Variants in PARD3B observed in about 807,000 individuals in gnomAD.
The protein encoded by PARD3B is partitioning defective 3 homolog B.
A neutral mutation model predicts 130.2 loss-of-function variants in PARD3B; 103 were observed. That is an observed-to-expected ratio of 0.79 (90% CI 0.67 to 0.93). The LOEUF is 0.93. Ranked by LOEUF, PARD3B falls within the 40% of genes least tolerant of loss-of-function variation. PARD3B has a pLI of 0.00. For missense variants in PARD3B, 1,609 were observed against 1,499.2 expected (o/e 1.07, Z -1.21); for synonymous variants, 583 against 553.2 (o/e 1.05, Z -0.76).
intron 20 of PARD3B, among the ~76,000 whole-genome samples, chr2:205,469,061 G>T (rs2048734669): frequency 6.6e-6 from 1 of 151,340 alleles, no homozygotes; most frequent in Non-Finnish European, 1.5e-5. Context: ...TTTCTGTGTA[G>T]ACTTCTAGCA....
intron 18 of PARD3B, among the ~76,000 whole-genome samples, chr2:205,319,609 A>G (rs935161087): frequency 2.6e-5 from 4 of 152,010 alleles, no homozygotes; most frequent in East Asian, 1.9e-4. Context: ...TTTCCTCGCC[A>G]TTTTTCATCC....
chr2:205,105,103 C>T lies in PARD3B; in HGVS notation c.593+589C>T, dbSNP rs555263942. ...CTCTAGGTAGTGCCTGGGTTCATAT[C>T]GCAGCTATGCCTCTTTACTAGTCCT... On this transcript the variant is annotated intron_variant, in intron 5 of 22. Transcript: ENST00000406610. The surrounding 1 kb of genome is among the most constrained non-coding windows in gnomAD (Gnocchi z 4.0). Among the ~76,000 whole-genome samples the T allele has an allele frequency of 5.9e-5, 9 of 152,246 alleles. No individual in the cohort carries two copies. The highest frequency in any genetic ancestry group is 4.1e-4 in the South Asian group (2 of 4,826).
intron 1 of PARD3B, among the ~76,000 whole-genome samples, chr2:204,591,588 A>C (rs937971498): frequency 3.3e-5 from 5 of 152,236 alleles, no homozygotes; most frequent in Non-Finnish European, 4.4e-5. Flanking sequence ...GGAAATTAGA[A>C]CAATAGCTGC....
In PARD3B at chr2:205,193,252, T is replaced by G; in HGVS notation, c.2072T>G (p.Phe691Cys). ...AVYFPDQHIN[F>C]RSVTPARQPE... ...TATTTTCCAGATCAGCACATCAACT[T>G]CAGATCTGTGACACCGGCCAGGCAG... Residue 691 changes from phenylalanine (F) to cysteine (C), a missense_variant, in exon 15 of 23, where the codon TTC becomes TGC. By Grantham distance (205) the Phe-to-Cys change is radical. Transcript: ENST00000406610. 4 of 1,613,664 alleles carry G rather than the reference T, an allele frequency of 2.5e-6. No individual in the cohort carries two copies. The South Asian group carries it at 4.4e-5, about 18-fold the overall frequency.
At chr2:205,310,700 T>C (rs993778688) in intron 18 of PARD3B, among the ~76,000 whole-genome samples, 4 of 148,108 alleles carry the variant, frequency 2.7e-5, no homozygotes. Flanking sequence ...ATAGTATTTC[T>C]TCCTTTCTTT....
intron 21 of PARD3B, among the ~76,000 whole-genome samples, chr2:205,502,743 A>G (rs2050202635): frequency 6.6e-6 from 1 of 152,224 alleles, no homozygotes; most frequent in Non-Finnish European, 1.5e-5. Context: ...TGAAGTCTTC[A>G]AAGCCAAAAT....
chr2:204,672,318 G>A (rs1034981270), intron 1 of PARD3B, among the ~76,000 whole-genome samples: 1 of 152,190 alleles, frequency 6.6e-6, no homozygotes, highest in Non-Finnish European at 1.5e-5. Flanking sequence ...TGTCTGCACA[G>A]GCTTTTCATA....
chr2:205,065,779 C>T (rs1339289719), intron 4 of PARD3B, among the ~76,000 whole-genome samples: 1 of 151,022 alleles, frequency 6.6e-6, no homozygotes, highest in Admixed American at 6.6e-5. Context: ...TTAACCTTCC[C>T]TGCCATGTTG....
intron 2 of PARD3B, among the ~76,000 whole-genome samples, chr2:204,839,503 G>A (rs779360298): frequency 2.0e-4 from 30 of 152,016 alleles, no homozygotes; most frequent in Non-Finnish European, 3.8e-4. Context: ...GCTTTGTGGC[G>A]ACTTCTTCAA....
chr2:205,295,782 C>T lies in PARD3B; in HGVS notation c.2186-4748C>T, dbSNP rs12105245. Among the ~76,000 whole-genome samples the T allele has an allele frequency of 1.5e-3, 222 of 152,164 alleles. 1 individual carries two copies. Among genetic ancestry groups the T allele is most frequent in the African/African-American group, 4.8e-3 (200 of 41,504 alleles). On this transcript the variant is annotated intron_variant, in intron 16 of 22. Coordinates refer to ENST00000406610, the MANE Select transcript of PARD3B (RefSeq NM_001302769.2). ...TCTCAGACTAATTAGGTGATTATAG[C>T]CTAAGGAGAAGGGCAACTAAGACTC... is the stretch of plus-strand genomic sequence containing the variant.
At position 205,238,849 on chromosome 2, in the gene PARD3B, A is replaced by AAAATATAT. The variant is rs1273582854; in HGVS notation, c.2141-6928_2141-6927insAATATATA. Among the ~76,000 whole-genome samples the AAAATATAT allele has an allele frequency of 1.8e-4, 14 of 76,906 alleles. 1 individual carries two copies. Among genetic ancestry groups the AAAATATAT allele is most frequent in the Non-Finnish European group, 3.2e-4 (14 of 43,328 alleles). 50.5% of individuals were successfully genotyped at this position (76,906 alleles called of 152,430 possible). A position where few individuals can be genotyped will look rare whatever the true frequency, so the allele number is the denominator to read the frequency against. On this transcript the variant is annotated intron_variant, in intron 15 of 22. Transcript: ENST00000406610. Reference sequence around the variant, plus strand: ...AAACTCCGTTTCAAAAAAAAAAAAAAATATATATATATATATATATATATA... The same window carrying AAAATATAT: ...AAACTCCGTTTCAAAAAAAAAAAAAAAAATATATATATATATATATATATATATATATA...
chr2:204,965,499 G>A (rs1691156202), intron 3 of PARD3B, among the ~76,000 whole-genome samples, 176 bp downstream of exon 3: 1 of 152,084 alleles, frequency 6.6e-6, no homozygotes, highest in African/African-American at 2.4e-5. Context: ...TTGGGTAAGT[G>A]GATGCAGCTT....
intron 21 of PARD3B, among the ~76,000 whole-genome samples, chr2:205,507,194 G>GTTTTTTTT (rs1245448537): frequency 3.9e-5 from 1 of 25,334 alleles, no homozygotes; most frequent in Non-Finnish European, 1.1e-4. Flanking sequence ...GACAGGTGCA[G>GTTTTTTTT]TATTTTTTTT....
At chr2:204,793,232 T>C (rs2042257674) in intron 2 of PARD3B, among the ~76,000 whole-genome samples, 1 of 152,218 alleles carries the variant, frequency 6.6e-6, no homozygotes, top group Non-Finnish European at 1.5e-5. Flanking sequence ...GAATATTTCA[T>C]TTATATTTTA....
chr2:205,521,306 T>C (rs1048174689), intron 21 of PARD3B, among the ~76,000 whole-genome samples: 1 of 152,050 alleles, frequency 6.6e-6, no homozygotes, highest in Non-Finnish European at 1.5e-5. Context: ...TTTTTATGAA[T>C]TTTTTATTTT....
chr2:205,361,590 A>G (rs2044391347), intron 18 of PARD3B, among the ~76,000 whole-genome samples: 1 of 152,156 alleles, frequency 6.6e-6, no homozygotes, highest in Admixed American at 6.5e-5. Context: ...CCTTGATTCA[A>G]TTTCTAGACC....
At chr2:204,861,816 C>T (rs2045215013) in intron 2 of PARD3B, among the ~76,000 whole-genome samples, 1 of 149,904 alleles carries the variant, frequency 6.7e-6, no homozygotes, top group African/African-American at 2.5e-5. Context: ...TAAGAAGGAT[C>T]CCATAAAAAT....
intron 16 of PARD3B, among the ~76,000 whole-genome samples, chr2:205,256,178 G>C (rs975733496): frequency 2.7e-5 from 3 of 110,734 alleles, no homozygotes; most frequent in Non-Finnish European, 6.4e-5. Context: ...ATCCCTCTCA[G>C]GATGTTTTTT....
In PARD3B at chr2:205,559,114, A is replaced by G. The variant is rs139827045; in HGVS notation, c.3260+5711A>G. Reference sequence around the variant, plus strand: ...CCTCTACCCAGGTGGAGGCCTAAGTATGGGCTCCACCACTGGAGCAATACC... The same window carrying G: ...CCTCTACCCAGGTGGAGGCCTAAGTGTGGGCTCCACCACTGGAGCAATACC... On this transcript the variant is annotated intron_variant, in intron 22 of 22. Transcript: ENST00000406610. 3.2e-3 allele frequency among the ~76,000 whole-genome samples: 489 copies of G among 152,234 alleles called. 3 individuals are homozygous for G. The highest frequency in any genetic ancestry group is 0.014 in the Middle Eastern group (4 of 294).
Sources: gnomAD v4.1 joint callset for allele counts (sites outside exome capture counted in the v4.1 genomes callset) on GRCh38, gnomAD v4.1.1 for gene constraint, Gnocchi (gnomAD v3.1) non-coding constraint, MANE v1.5 for transcripts, NCBI Gene and HGNC (gene_info 2026-07-23, HGNC 2026-07-21) for gene names.